The following PCDHA4 variants were observed in gnomAD, a reference collection of about 807,000 sequenced individuals.
The protein encoded by PCDHA4 is protocadherin alpha 4, also known as protocadherin alpha-4.
A neutral mutation model predicts 61.4 loss-of-function variants in PCDHA4; 49 were observed. The ratio of observed to expected loss-of-function variants is 0.80; its 90% CI spans 0.63 to 1.01. The LOEUF (loss-of-function observed/expected upper bound fraction) is 1.01. PCDHA4 is among the 50% of genes least tolerant of loss of function. The pLI is 0.00. For synonymous variants in PCDHA4, 590 were observed against 550.3 expected, an observed-to-expected ratio of 1.07 and a Z score of -1.01; for missense variants, 1,254 against 1,235.8, an observed-to-expected ratio of 1.01 and a Z score of -0.22.
chr5:140,949,809 G>A (rs782774481), intron 1 of PCDHA4, among the ~76,000 whole-genome samples: 1 of 151,712 alleles, frequency 6.6e-6, no homozygotes. Flanking sequence ...TACATTATTT[G>A]CTTTCTATTT....
At chr5:140,889,949 A>C (rs1444545834) in intron 1 of PCDHA4, among the ~76,000 whole-genome samples, 1 of 152,202 alleles carries the variant, frequency 6.6e-6, no homozygotes. Flanking sequence ...GAGAAGCCAA[A>C]TGGATAGAAA....
rs200722492 is a variant in PCDHA4, at chr5:140,856,425, A to T, written c.2385+46853A>T. ...GTGGACGTGGAAGTGAAGGACATTAACGACAACCCGCCCAGGTTCTCCGTA... is the reference window on the plus strand; with the variant it reads ...GTGGACGTGGAAGTGAAGGACATTATCGACAACCCGCCCAGGTTCTCCGTA... On this transcript the variant is annotated intron_variant, in intron 1 of 3. Transcript: ENST00000530339. The T allele has an allele frequency of 2.3e-5, 37 of 1,598,204 alleles. 1 individual carries two copies. The highest frequency in any genetic ancestry group is 1.9e-4 in the Admixed American group (11 of 59,214).
chr5:140,823,952 C>T (rs2150130685), intron 1 of PCDHA4: 1 of 1,613,960 alleles, frequency 6.2e-7, no homozygotes, highest in African/African-American at 1.3e-5. Flanking sequence ...TCGGCGCAGC[C>T]CACCGAGGCC....
At chr5:140,976,718 C>A (rs2096728735) in intron 1 of PCDHA4, among the ~76,000 whole-genome samples, 1 of 152,096 alleles carries the variant, frequency 6.6e-6, no homozygotes, top group South Asian at 2.1e-4. Context: ...CATTATAGTT[C>A]ATTTATTTAA....
At chr5:140,882,677 A>C (rs782476966) in intron 1 of PCDHA4, 1 of 1,614,214 alleles carries the variant, frequency 6.2e-7, no homozygotes. Context: ...CCCTGAAAGC[A>C]AGAAACGAAT....
At chr5:140,829,392 C>A in intron 1 of PCDHA4, 1 of 1,614,160 alleles carries the variant, frequency 6.2e-7, no homozygotes, top group Non-Finnish European at 8.5e-7. Flanking sequence ...GGCTCGCCTT[C>A]GCTGTGGGCC....
chr5:140,857,187 C>T (rs202051639), intron 1 of PCDHA4: 3 of 1,598,516 alleles, frequency 1.9e-6, no homozygotes, highest in Admixed American at 1.7e-5. Context: ...GATTCAGGAG[C>T]CAACGGACAG....
At chr5:140,881,785 C>A (rs2058831561) in intron 1 of PCDHA4, among the ~76,000 whole-genome samples, 1 of 152,202 alleles carries the variant, frequency 6.6e-6, no homozygotes, top group South Asian at 2.1e-4. Context: ...AACTACCGAT[C>A]AATTGTCCCA....
intron 1 of PCDHA4, chr5:140,848,468 C>A: frequency 6.5e-7 from 1 of 1,547,824 alleles, no homozygotes; most frequent in African/African-American, 1.4e-5. Context: ...GCAATTTTCA[C>A]TAATTAGAAG....
Position 140,809,342 on chromosome 5 carries a change from A to AC in PCDHA4, c.2157dup (p.Ala720ArgfsTer43). 1 of 1,614,026 alleles carries AC rather than the reference A, an allele frequency of 6.2e-7. No homozygotes were observed. The highest frequency in any genetic ancestry group is 8.5e-7 in the Non-Finnish European group (1 of 1,179,932). ...TTTGGTGCTCACGCTGCTGCTGTAC[A>AC]CCGCGCTGCGGTGCTCTGCGCTGCC... On this transcript the variant is annotated frameshift_variant, in exon 1 of 4. Coordinates refer to ENST00000530339, the MANE Select transcript of PCDHA4 (RefSeq NM_018907.4). LOFTEE classifies it high-confidence loss of function.
intron 1 of PCDHA4, among the ~76,000 whole-genome samples, chr5:140,974,630 A>G (rs1252889789): frequency 6.7e-6 from 1 of 149,794 alleles, no homozygotes; most frequent in Non-Finnish European, 1.5e-5. Context: ...TCCTGCCTCA[A>G]CCTCCCGAGT....
At chr5:140,831,569 C>T (rs2150196333) in intron 1 of PCDHA4, among the ~76,000 whole-genome samples, 8,259 of 146,924 alleles carry the variant, frequency 0.056, 800 homozygotes, top group African/African-American at 0.2. Context: ...CTCCATGTTG[C>T]CCAGGCTGGT....
At chr5:140,859,250 T>C (rs952505479) in intron 1 of PCDHA4, 7 of 133,126 alleles carry the variant, frequency 5.3e-5, no homozygotes, top group African/African-American at 1.9e-4. Flanking sequence ...TGTTTAATAA[T>C]GAAGAGAATT....
At chr5:140,842,856 C>A (rs2150346481) in intron 1 of PCDHA4, 3 of 1,593,922 alleles carry the variant, frequency 1.9e-6, no homozygotes, top group South Asian at 2.2e-5. Flanking sequence ...TCGGTGCACA[C>A]GGAGAGCGGC....
Position 141,012,283 on chromosome 5 carries a change from AT to A in PCDHA4, c.*2350del, listed in dbSNP as rs1313163740. 6.5e-6 allele frequency: 1 copy of A among 153,798 alleles called. No homozygotes were observed. Among genetic ancestry groups the A allele is most frequent in the Non-Finnish European group, 1.5e-5 (1 of 68,046 alleles). The allele number at this position is 153,798 out of a possible 1,614,324, so 9.5% of individuals were successfully genotyped here. ...AGGATAAAACACGTCATGTGGATTC[AT>A]TTTGAATTGGTGCTATTGGTATTTC... On this transcript the variant is annotated 3_prime_UTR_variant, in exon 4 of 4. Coordinates refer to ENST00000530339, the MANE Select transcript of PCDHA4 (RefSeq NM_018907.4).
At chr5:140,852,778 A>T (rs2150522420) in intron 1 of PCDHA4, 1 of 980,232 alleles carries the variant, frequency 1.0e-6, no homozygotes, top group East Asian at 1.1e-4. Flanking sequence ...TTTGATGTGA[A>T]TAGAGGGATG....
At chr5:140,855,357 A>C (rs2043441484) in intron 1 of PCDHA4, among the ~76,000 whole-genome samples, 1 of 150,032 alleles carries the variant, frequency 6.7e-6, no homozygotes, top group South Asian at 2.1e-4. Context: ...TCATGTGGCT[A>C]GTGAGTAGGA....
chr5:140,959,118 C>T (rs781848896), intron 1 of PCDHA4, among the ~76,000 whole-genome samples: 8 of 151,838 alleles, frequency 5.3e-5, no homozygotes, highest in Non-Finnish European at 1.0e-4. Context: ...CGAAGGTGGG[C>T]GAGGTGAGCC....
In PCDHA4 at chr5:140,862,738, T is replaced by C. The variant is rs189052602; in HGVS notation, c.2385+53166T>C. 560 of 577,110 alleles carry C rather than the reference T, an allele frequency of 9.7e-4. 3 individuals are homozygous for C. The highest frequency in any genetic ancestry group is 1.5e-3 in the Non-Finnish European group (445 of 297,984). 35.7% of individuals were successfully genotyped at this position (577,110 alleles called of 1,614,324 possible). ...CGAGTGCGCGCTGTCTAGCTATGTG[T>C]GGGTGCACGCGGAGAGCGGCAAGAG... On this transcript the variant is annotated intron_variant, in intron 1 of 3. Coordinates refer to ENST00000530339, the MANE Select transcript of PCDHA4 (RefSeq NM_018907.4).
Sources: gnomAD v4.1 joint callset for allele counts (sites outside exome capture counted in the v4.1 genomes callset) on GRCh38, gnomAD v4.1.1 for gene constraint, MANE v1.5 for transcripts, NCBI Gene and HGNC (gene_info 2026-07-23, HGNC 2026-07-21) for gene names.